The following ENTPD6 variants were observed in gnomAD, a reference collection of about 807,000 sequenced individuals.
ENTPD6 encodes the protein CD39 antigen-like 2.
ENTPD6 carries 46 observed loss-of-function variants against 61.5 expected under a neutral mutation model. The observed-to-expected ratio is 0.75, with a 90% CI of 0.59 to 0.96. The LOEUF (loss-of-function observed/expected upper bound fraction) is 0.96, where lower values mean the gene tolerates loss of function less well. Ranked by LOEUF, ENTPD6 falls within the 40% of genes least tolerant of loss-of-function variation. ENTPD6 has a pLI of 0.00. For missense variants in ENTPD6, 612 were observed against 629.0 expected, an observed-to-expected ratio of 0.97 and a Z score of 0.29; for synonymous variants, 252 against 255.5, an observed-to-expected ratio of 0.99 and a Z score of 0.13.
chr20:25,215,543 C>A (rs1326794691), intron 6 of ENTPD6, 133 bp from the exon 7 acceptor site: 2 of 851,034 alleles, frequency 2.4e-6, no homozygotes, highest in Admixed American at 3.7e-5. Context: ...TGCCGATGAT[C>A]TGAAGGCTGG....
chr20:25,215,702 T>C lies in ENTPD6; in HGVS notation c.700T>C (p.Phe234Leu), dbSNP rs2092272648. The change falls in exon 7 of 15, where the codon TTC (phenylalanine) becomes CTC (leucine). Residue 234 changes from phenylalanine (F) to leucine (L), a missense_variant. Transcript: ENST00000376652. ...EGVSAWITIN[F>L]LTGSLKTPGG... ...CGTTTCGGCGTGGATCACCATCAAC[T>C]TCCTGACAGGTGTGTGCACACTGCA... 3 of 1,614,240 alleles carry C rather than the reference T, an allele frequency of 1.9e-6. No homozygotes were observed. The African/African-American group carries it at 4.0e-5, about 22-fold the overall frequency.
chr20:25,217,661 G>A, intron 9 of ENTPD6, 80 bp downstream of exon 9: 1 of 1,213,548 alleles, frequency 8.2e-7, no homozygotes, highest in Non-Finnish European at 1.2e-6. Context: ...CCCTCTTGAG[G>A]TCATGGATGG....
At position 25,227,466 on chromosome 20, in the gene ENTPD6, A is replaced by G. The variant is rs373696325; in HGVS notation, c.*1869A>G. 6.6e-6 allele frequency among the ~76,000 whole-genome samples: 1 copy of G among 152,258 alleles called. No individual in the cohort carries two copies. The highest frequency in any genetic ancestry group is 1.5e-5 in the Non-Finnish European group (1 of 68,046). On this transcript the variant is annotated 3_prime_UTR_variant, in exon 15 of 15. Transcript: ENST00000376652. Reference sequence around the variant, plus strand: ...ACTGGAAGTTTTCCAAAAGTGCACCAAATAAGTCATGGAATATTTCTGGGC... The same window carrying G: ...ACTGGAAGTTTTCCAAAAGTGCACCGAATAAGTCATGGAATATTTCTGGGC...
At chr20:25,222,744 G>A in intron 11 of ENTPD6, 94 bp from the exon 12 acceptor site, 1 of 1,518,500 alleles carries the variant, frequency 6.6e-7, no homozygotes, top group Non-Finnish European at 8.9e-7. Flanking sequence ...GACAATTCAG[G>A]TCAGAGTCTC....
Position 25,226,882 on chromosome 20 carries a change from T to TG in ENTPD6, c.*1289dup, listed in dbSNP as rs933073452. 21 of 152,574 alleles carry TG rather than the reference T, an allele frequency of 1.4e-4. No homozygotes were observed. The highest frequency in any genetic ancestry group is 3.8e-4 in the African/African-American group (16 of 41,586). The allele number at this position is 152,574 out of a possible 1,614,324, so 9.5% of individuals were successfully genotyped here. On this transcript the variant is annotated 3_prime_UTR_variant, in exon 15 of 15. Coordinates refer to ENST00000376652, the MANE Select transcript of ENTPD6 (RefSeq NM_001247.5). ...ACAGCAGTGGAGGGCCCCTGGGGGC[T>TG]GGGGCTGGTGAAGGGTCTGGCTGGT...
Position 25,225,291 on chromosome 20 carries a change from G to A in ENTPD6, c.1330G>A (p.Gly444Ser), listed in dbSNP as rs140620202. The A allele has an allele frequency of 1.1e-5, 18 of 1,613,028 alleles. No individual in the cohort carries two copies. Among genetic ancestry groups the A allele is most frequent in the Admixed American group, 3.3e-5 (2 of 59,968 alleles). ...TYVSLLLQEFGFPRSKVLKLT... is the reference protein window; with the variant it reads ...TYVSLLLQEFSFPRSKVLKLT... ...CGTCAGCCTGCTACTCCAGGAGTTCGGCTTTCCCAGGAGCAAAGTGCTGAA... is the reference window on the plus strand; with the variant it reads ...CGTCAGCCTGCTACTCCAGGAGTTCAGCTTTCCCAGGAGCAAAGTGCTGAA... Residue 444 changes from glycine to serine, a missense_variant, in exon 14 of 15, where the codon GGC (glycine) becomes AGC (serine). Coordinates refer to ENST00000376652, the MANE Select transcript of ENTPD6 (RefSeq NM_001247.5).
chr20:25,212,237 G>T (rs2122937103), intron 4 of ENTPD6, among the ~76,000 whole-genome samples: 1 of 152,326 alleles, frequency 6.6e-6, no homozygotes, highest in East Asian at 1.9e-4. Flanking sequence ...CCAGCCTTGG[G>T]TTCTGGATCC....
At chr20:25,221,388 C>T (rs759396198) in intron 11 of ENTPD6, 55 bp downstream of exon 11, 3 of 1,350,270 alleles carry the variant, frequency 2.2e-6, no homozygotes, top group Non-Finnish European at 3.2e-6. Flanking sequence ...GTGGCCTCCT[C>T]TCCCCCTTGC....
rs375534753 is a variant in ENTPD6 at position 25,225,603 on chromosome 20, G to T, written c.*6G>T. 1 of 1,611,200 alleles carries T rather than the reference G, an allele frequency of 6.2e-7. No individual in the cohort carries two copies. Among genetic ancestry groups the T allele is most frequent in the Non-Finnish European group, 8.5e-7 (1 of 1,177,866 alleles). Reference sequence around the variant, plus strand: ...AGAAGAGTCCAGCCTCATAGTGGCCGAGCCATCCCTGTCCCCGTCAGCAGT... The same window carrying T: ...AGAAGAGTCCAGCCTCATAGTGGCCTAGCCATCCCTGTCCCCGTCAGCAGT... On this transcript the variant is annotated 3_prime_UTR_variant, in exon 15 of 15. Transcript: ENST00000376652.
Position 25,217,562 on chromosome 20 carries a change from T to C in ENTPD6, c.859T>C (p.Tyr287His). 1 of 1,614,148 alleles carries C rather than the reference T, an allele frequency of 6.2e-7. No individual in the cohort carries two copies. The highest frequency in any genetic ancestry group is 8.5e-7 in the Non-Finnish European group (1 of 1,179,986). Residue 287 changes from tyrosine (Y) to histidine (H), a missense_variant, in exon 9 of 15, where the codon TAC (tyrosine) becomes CAC (histidine). Transcript: ENST00000376652. ...LTALRMFNRT[Y>H]KLYSYSYLGL... is the part of the protein sequence containing the mutation. ...GGCACTGCGGATGTTTAACAGGACCTACAAGCTCTATTCCTACAGGTCTGC... is the reference window on the plus strand; with the variant it reads ...GGCACTGCGGATGTTTAACAGGACCCACAAGCTCTATTCCTACAGGTCTGC...
intron 1 of ENTPD6, among the ~76,000 whole-genome samples, chr20:25,198,486 A>G (rs2090723722): frequency 6.6e-6 from 1 of 152,136 alleles, no homozygotes; most frequent in Admixed American, 6.5e-5. Flanking sequence ...TGTCTCAAAA[A>G]AAAAAAAGTC....
intron 4 of ENTPD6, among the ~76,000 whole-genome samples, chr20:25,212,573 G>A (rs1199856070): frequency 6.6e-6 from 1 of 152,202 alleles, no homozygotes; most frequent in Non-Finnish European, 1.5e-5. Flanking sequence ...TAGAAGCAAA[G>A]GCCAGGGATG....
At chr20:25,208,929 T>A (rs2091729380) in intron 3 of ENTPD6, among the ~76,000 whole-genome samples, 1 of 152,028 alleles carries the variant, frequency 6.6e-6, no homozygotes, top group Non-Finnish European at 1.5e-5. Context: ...TATTTTTATT[T>A]TTTTTGAGAC....
At chr20:25,205,628 C>G (rs1025625953) in intron 1 of ENTPD6, among the ~76,000 whole-genome samples, 4 of 152,204 alleles carry the variant, frequency 2.6e-5, no homozygotes, top group African/African-American at 9.6e-5. Context: ...TGGGGAGGGG[C>G]TGCACGTTGG....
chr20:25,225,436 C>G, intron 14 of ENTPD6, 63 bp from the exon 15 acceptor site: 1 of 1,582,434 alleles, frequency 6.3e-7, no homozygotes, highest in Non-Finnish European at 8.6e-7. Flanking sequence ...GAGCCACAGC[C>G]TCCTGATGCA....
intron 5 of ENTPD6, 54 bp from the exon 6 acceptor site, chr20:25,214,813 A>G: frequency 9.1e-7 from 1 of 1,097,528 alleles, no homozygotes; most frequent in Non-Finnish European, 1.4e-6. Flanking sequence ...AAATAAATAA[A>G]TATATTCATT....
chr20:25,196,298 T>G, intron 1 of ENTPD6: 2 of 938,282 alleles, frequency 2.1e-6, no homozygotes, highest in East Asian at 9.2e-5. Context: ...GTAAGGACGA[T>G]TCACCCTGGC....
chr20:25,211,822 TC>T (rs1360856314), intron 4 of ENTPD6, among the ~76,000 whole-genome samples: 1 of 152,102 alleles, frequency 6.6e-6, no homozygotes, highest in Non-Finnish European at 1.5e-5. Context: ...CTATTTTTTT[TC>T]CCCGAGATGA....
intron 12 of ENTPD6, 102 bp from the exon 13 acceptor site, chr20:25,223,999 C>T: frequency 9.0e-7 from 1 of 1,113,624 alleles, no homozygotes; most frequent in Non-Finnish European, 1.3e-6. Flanking sequence ...CCAGTCAGTG[C>T]CTTGGGGCTC....
Sources: gnomAD v4.1 joint callset for allele counts (sites outside exome capture counted in the v4.1 genomes callset) on GRCh38, gnomAD v4.1.1 for gene constraint, MANE v1.5 for transcripts, NCBI Gene and HGNC (gene_info 2026-07-23, HGNC 2026-07-21) for gene names.